Variants in SCFD2 observed in about 807,000 individuals in gnomAD.
The protein encoded by SCFD2 is sec1 family domain-containing protein 2.
In SCFD2, 54 loss-of-function variants were observed where a neutral mutation model predicts 58.9. The ratio of observed to expected loss-of-function variants is 0.92; its 90% CI spans 0.74 to 1.15. The LOEUF (loss-of-function observed/expected upper bound fraction) is 1.15. SCFD2 is among the 50% of genes most tolerant of loss of function. SCFD2 has a pLI of 0.00. For synonymous variants in SCFD2, 321 were observed against 335.9 expected, an observed-to-expected ratio of 0.96 and a Z score of 0.49; for missense variants, 805 against 836.6, an observed-to-expected ratio of 0.96 and a Z score of 0.47.
intron 2 of SCFD2, among the ~76,000 whole-genome samples, chr4:53,345,568 AC>A (rs1359336896): frequency 6.6e-6 from 1 of 152,208 alleles, no homozygotes; most frequent in African/African-American, 2.4e-5. Context: ...GAGTAGAAAT[AC>A]CATTTGACCC....
intron 5 of SCFD2, among the ~76,000 whole-genome samples, chr4:53,080,643 A>C (rs893848535): frequency 6.6e-6 from 1 of 152,148 alleles, no homozygotes; most frequent in Non-Finnish European, 1.5e-5. Flanking sequence ...AAAGGCAATT[A>C]TTCTTATACT....
intron 5 of SCFD2, among the ~76,000 whole-genome samples, chr4:53,059,584 G>C (rs1723445839): frequency 6.9e-6 from 1 of 144,624 alleles, no homozygotes; most frequent in African/African-American, 2.6e-5. Context: ...TATTTATTTT[G>C]CAAATGTCTT....
intron 6 of SCFD2, among the ~76,000 whole-genome samples, chr4:52,917,025 G>A (rs1382584181): frequency 6.6e-6 from 1 of 152,128 alleles, no homozygotes; most frequent in Non-Finnish European, 1.5e-5. Context: ...AGCCTCCCTA[G>A]TAGCTGGGAT....
chr4:53,354,680 G>T (rs940557129), intron 1 of SCFD2, among the ~76,000 whole-genome samples: 2 of 152,180 alleles, frequency 1.3e-5, no homozygotes, highest in Non-Finnish European at 2.9e-5. Flanking sequence ...TTTGCTTAAT[G>T]AATGAATAAA....
At chr4:53,086,403 G>A (rs1343783572) in intron 5 of SCFD2, among the ~76,000 whole-genome samples, 3 of 152,082 alleles carry the variant, frequency 2.0e-5, no homozygotes, top group Admixed American at 2.0e-4. Context: ...CAAAGATATG[G>A]AGGAAAAAAG....
At chr4:53,188,029 GA>G (rs1727785718) in intron 4 of SCFD2, among the ~76,000 whole-genome samples, 1 of 152,002 alleles carries the variant, frequency 6.6e-6, no homozygotes, top group African/African-American at 2.4e-5. Context: ...TATTGGTACA[GA>G]AACAGCTCAA....
At chr4:53,345,702 G>T (rs1351934848) in intron 2 of SCFD2, among the ~76,000 whole-genome samples, 1 of 152,078 alleles carries the variant, frequency 6.6e-6, no homozygotes, top group Non-Finnish European at 1.5e-5. Flanking sequence ...CGACCTAAAT[G>T]TCCATCAATT....
chr4:53,173,757 T>C (rs1333444371), intron 4 of SCFD2, among the ~76,000 whole-genome samples: 1 of 152,160 alleles, frequency 6.6e-6, no homozygotes, highest in Non-Finnish European at 1.5e-5. Context: ...TATGCATTTT[T>C]GCTTTGTGGT....
At chr4:53,168,404 G>A (rs1340083553) in intron 4 of SCFD2, among the ~76,000 whole-genome samples, 1 of 152,094 alleles carries the variant, frequency 6.6e-6, no homozygotes, top group Non-Finnish European at 1.5e-5. Context: ...CCAGATAAGA[G>A]CTCACAACTC....
chr4:53,346,155 G>A (rs1485830307), intron 2 of SCFD2, among the ~76,000 whole-genome samples: 2 of 152,002 alleles, frequency 1.3e-5, no homozygotes, highest in African/African-American at 4.8e-5. Flanking sequence ...ATGTTCATAT[G>A]TATAGTATAT....
intron 5 of SCFD2, among the ~76,000 whole-genome samples, chr4:53,132,682 C>A (rs535619080): frequency 6.6e-6 from 1 of 152,298 alleles, no homozygotes; most frequent in African/African-American, 2.4e-5. Flanking sequence ...TTGTTTTGTA[C>A]ACTTTCACTT....
At chr4:52,967,079 C>G (rs1720980444) in intron 5 of SCFD2, among the ~76,000 whole-genome samples, 1 of 152,202 alleles carries the variant, frequency 6.6e-6, no homozygotes, top group Non-Finnish European at 1.5e-5. Flanking sequence ...GGAGATGCTT[C>G]ATATAAGTAG....
chr4:52,895,196 G>A (rs1718975079), intron 7 of SCFD2, among the ~76,000 whole-genome samples: 1 of 151,832 alleles, frequency 6.6e-6, no homozygotes. Flanking sequence ...TATACTTTAA[G>A]TTTTAGGATA....
intron 5 of SCFD2, among the ~76,000 whole-genome samples, chr4:53,037,097 A>C (rs1012978664): frequency 6.6e-6 from 1 of 152,174 alleles, no homozygotes; most frequent in Non-Finnish European, 1.5e-5. Context: ...CCCTGTATTT[A>C]AGTTTAAAAA....
intron 2 of SCFD2, among the ~76,000 whole-genome samples, chr4:53,337,338 T>A (rs960944240): frequency 6.6e-6 from 1 of 152,206 alleles, no homozygotes; most frequent in Non-Finnish European, 1.5e-5. Context: ...TTTTACCTCT[T>A]AATTACCTCT....
intron 2 of SCFD2, among the ~76,000 whole-genome samples, chr4:53,328,928 C>T (rs1250100427): frequency 6.6e-6 from 1 of 152,252 alleles, no homozygotes; most frequent in Admixed American, 6.5e-5. Flanking sequence ...CATTGCCTCA[C>T]TTGGGAAGCG....
At chr4:52,908,483 A>G (rs1371201847) in intron 6 of SCFD2, among the ~76,000 whole-genome samples, 2 of 152,150 alleles carry the variant, frequency 1.3e-5, no homozygotes, top group African/African-American at 4.8e-5. Flanking sequence ...TCTTCCCTCA[A>G]TGCACTCTCT....
chr4:53,007,721 G>A (rs1182653232), intron 5 of SCFD2, among the ~76,000 whole-genome samples: 1 of 152,168 alleles, frequency 6.6e-6, no homozygotes, highest in Non-Finnish European at 1.5e-5. Context: ...CTAATTGTCT[G>A]CCTAAAGTCA....
At chr4:53,256,047 C>A (rs562997357) in intron 4 of SCFD2, among the ~76,000 whole-genome samples, 4 of 150,150 alleles carry the variant, frequency 2.7e-5, no homozygotes, top group African/African-American at 9.8e-5. Flanking sequence ...CCGGACGGGG[C>A]GGCTGGCCTG....
Sources: allele counts gnomAD v4.1 joint callset (sites outside exome capture counted in the v4.1 genomes callset), GRCh38; gene constraint gnomAD v4.1.1; transcripts MANE v1.5; gene names NCBI Gene and HGNC (gene_info 2026-07-23, HGNC 2026-07-21).